Variants in ZNF654 observed in about 807,000 individuals in gnomAD.
ZNF654 encodes zinc finger protein 654.
Under a neutral mutation model 95.3 loss-of-function variants are expected in ZNF654, and 19 were observed. The ratio of observed to expected loss-of-function variants is 0.20; its 90% CI spans 0.14 to 0.29. The LOEUF is 0.29. Among genes scored for constraint, ZNF654 ranks in the 10% least tolerant of loss-of-function variants. The pLI is 1.00. For missense variants in ZNF654, 1,046 were observed against 1,341.0 expected (o/e 0.78, Z 3.44); for synonymous variants, 413 against 457.9 (o/e 0.90, Z 1.25).
chr3:88,108,884 T>C (rs2107748034), intron 2 of ZNF654, among the ~76,000 whole-genome samples: 1 of 152,220 alleles, frequency 6.6e-6, no homozygotes, highest in Middle Eastern at 3.4e-3. Flanking sequence ...AGAACAAATT[T>C]CCTATCTCTG....
intron 2 of ZNF654, among the ~76,000 whole-genome samples, chr3:88,087,546 G>A (rs1255155501): frequency 6.6e-6 from 1 of 152,162 alleles, no homozygotes; most frequent in Non-Finnish European, 1.5e-5. Context: ...GTGAATGAAC[G>A]ATTTCTACAG....
intron 1 of ZNF654, among the ~76,000 whole-genome samples, chr3:88,082,690 A>G (rs1708142583): frequency 6.6e-6 from 1 of 152,188 alleles, no homozygotes; most frequent in African/African-American, 2.4e-5. Flanking sequence ...GTGACAAACT[A>G]ATGTTTGGTA....
intron 2 of ZNF654, among the ~76,000 whole-genome samples, chr3:88,094,354 G>A (rs974992382): frequency 6.6e-6 from 1 of 151,990 alleles, no homozygotes; most frequent in Non-Finnish European, 1.5e-5. Context: ...TCCTTTTATT[G>A]ATTTTGGAGT....
At chr3:88,096,908 T>A (rs185789092) in intron 2 of ZNF654, among the ~76,000 whole-genome samples, 2 of 152,284 alleles carry the variant, frequency 1.3e-5, no homozygotes, top group African/African-American at 4.8e-5. Context: ...AAACCTCATA[T>A]TATCATTTTA....
chr3:88,125,573 T>A (rs892810726), intron 3 of ZNF654, among the ~76,000 whole-genome samples: 11 of 152,216 alleles, frequency 7.2e-5, no homozygotes, highest in Admixed American at 3.3e-4. Context: ...GTCATTTTTT[T>A]AATCCCAGAA....
intron 1 of ZNF654, among the ~76,000 whole-genome samples, chr3:88,074,917 C>T (rs1426585468): frequency 6.6e-6 from 1 of 152,116 alleles, no homozygotes; most frequent in Non-Finnish European, 1.5e-5. Flanking sequence ...ATAACTTGTG[C>T]TTATATTTTA....
At chr3:88,122,576 A>C (rs1705833804) in intron 3 of ZNF654, among the ~76,000 whole-genome samples, 1 of 152,186 alleles carries the variant, frequency 6.6e-6, no homozygotes, top group Non-Finnish European at 1.5e-5. Context: ...GCCAAGACAC[A>C]AAGTTGAATG....
intron 2 of ZNF654, among the ~76,000 whole-genome samples, chr3:88,087,736 T>C (rs983737837): frequency 6.6e-6 from 1 of 152,192 alleles, no homozygotes; most frequent in Admixed American, 6.5e-5. Flanking sequence ...AGGATAAGTA[T>C]TATTATGTGA....
At chr3:88,077,666 A>G (rs1707886280) in intron 1 of ZNF654, among the ~76,000 whole-genome samples, 1 of 139,562 alleles carries the variant, frequency 7.2e-6, no homozygotes, top group Non-Finnish European at 1.6e-5. Context: ...ACACATAGGA[A>G]AGATAAATGA....
chr3:88,081,872 A>T (rs1187432483), intron 1 of ZNF654, among the ~76,000 whole-genome samples: 1 of 152,150 alleles, frequency 6.6e-6, no homozygotes, highest in Non-Finnish European at 1.5e-5. Context: ...TGCTTCTAGG[A>T]TCTCTCAATG....
chr3:88,069,121 C>G (rs1194215560), intron 1 of ZNF654, among the ~76,000 whole-genome samples: 1 of 130,536 alleles, frequency 7.7e-6, no homozygotes, highest in Non-Finnish European at 1.7e-5. Flanking sequence ...CAGAAGTTCC[C>G]CATCAGAAGT....
chr3:88,140,399 G>C lies in ZNF654; in HGVS notation c.2730G>C (p.Leu910=). ...GTAATGAGAAACAAACTATTAGTCT[G>C]CCAGTTTCTACTAGCAAATCAAGGA... is the stretch of plus-strand genomic sequence containing the variant. ...SSSNEKQTIS[L]PVSTSKSRKE... is the part of the protein sequence containing the mutation. Residue 910 remains leucine (L), a synonymous_variant, in exon 8 of 9, where the codon CTG becomes CTC. Coordinates refer to ENST00000636215, the MANE Select transcript of ZNF654 (RefSeq NM_001350134.2). 6.2e-7 allele frequency: 1 copy of C among 1,613,076 alleles called. No homozygotes were observed.
rs1707093367 is a variant in ZNF654, at chr3:88,140,999, T to G, written c.3330T>G (p.Leu1110=). Residue 1110 remains leucine (L), a synonymous_variant, in exon 8 of 9, where the codon CTT becomes CTG. Coordinates refer to ENST00000636215, the MANE Select transcript of ZNF654 (RefSeq NM_001350134.2). ...ATGCAGAAGCACTTGAGGCTCATCT[T>G]GCACAAAAGAAATGTCAGACACTCT... ...YCNAEALEAH[L]AQKKCQTLFG... is the part of the protein sequence containing the mutation. 6.2e-7 allele frequency: 1 copy of G among 1,611,774 alleles called. No homozygotes were observed. The highest frequency in any genetic ancestry group is 1.1e-5 in the South Asian group (1 of 90,784).
At chr3:88,083,941 TTATATATATATA>T (rs78670676) in intron 1 of ZNF654, among the ~76,000 whole-genome samples, 1 of 147,698 alleles carries the variant, frequency 6.8e-6, no homozygotes, top group Non-Finnish European at 1.5e-5. Context: ...TGTACTTATT[TTATATATATATA>T]TATATATATA....
Position 88,140,587 on chromosome 3 carries a change from G to A in ZNF654, c.2918G>A (p.Ser973Asn). ...CCAAATTCTGAAAATAATTGTAGTA[G>A]TAGTGATATAGTCAATGGACACAGT... is the stretch of plus-strand genomic sequence containing the variant. Reference protein sequence around the residue: ...IEPNSENNCSSSDIVNGHSEI... With the variant: ...IEPNSENNCSNSDIVNGHSEI... Residue 973 changes from serine to asparagine, a missense_variant, in exon 8 of 9, where the codon AGT becomes AAT. Physicochemically the swap from Ser to Asn is conservative, Grantham distance 46. This residue lies in a region of ZNF654 where 495 missense variants were observed against 537.0 expected (regional missense o/e 0.92). Coordinates refer to ENST00000636215, the MANE Select transcript of ZNF654 (RefSeq NM_001350134.2). 6.2e-7 allele frequency: 1 copy of A among 1,613,702 alleles called. No individual in the cohort carries two copies. Among genetic ancestry groups the A allele is most frequent in the Non-Finnish European group, 8.5e-7 (1 of 1,179,722 alleles).
Position 88,138,968 on chromosome 3 carries a change from T to G in ZNF654, c.1299T>G (p.Val433=). The G allele has an allele frequency of 1.6e-6, 2 of 1,246,150 alleles. No homozygotes were observed. Among genetic ancestry groups the G allele is most frequent in the Non-Finnish European group, 2.0e-6 (2 of 997,444 alleles). 77.2% of individuals were successfully genotyped at this position (1,246,150 alleles called of 1,614,324 possible). ...NEGTSSVQNR[V]RFELLPILKK... ...GCACAAGTAGTGTTCAAAATCGTGTTCGTTTTGAATTGCTTCCAATTTTGA... is the reference window on the plus strand; with the variant it reads ...GCACAAGTAGTGTTCAAAATCGTGTGCGTTTTGAATTGCTTCCAATTTTGA... The change falls in exon 8 of 9, where the codon GTT becomes GTG. Residue 433 remains valine, a synonymous_variant. Coordinates refer to ENST00000636215, the MANE Select transcript of ZNF654 (RefSeq NM_001350134.2).
Position 88,070,492 on chromosome 3 carries a change from A to G in ZNF654, c.186+10987A>G, listed in dbSNP as rs773419111. On this transcript the variant is annotated intron_variant, in intron 1 of 8. Transcript: ENST00000636215. ...ACTTGCCAAACAAATACAACCCAAC[A>G]ATAATTCAGACATACCAAAAAAAGT... Among the ~76,000 whole-genome samples the G allele has an allele frequency of 5.3e-5, 8 of 151,880 alleles. No homozygotes were observed. In the Middle Eastern group the frequency reaches 0.017, roughly 330 times the overall value.
At chr3:88,086,790 T>C (rs1708356798) in intron 2 of ZNF654, among the ~76,000 whole-genome samples, 1 of 152,134 alleles carries the variant, frequency 6.6e-6, no homozygotes, top group South Asian at 2.1e-4. Context: ...TTTTGTTGTT[T>C]TGTTCTTTTT....
At chr3:88,070,563 GTTTTTTTTTTTTTT>G (rs67079285) in intron 1 of ZNF654, among the ~76,000 whole-genome samples, 2 of 111,326 alleles carry the variant, frequency 1.8e-5, no homozygotes, top group Non-Finnish European at 3.5e-5. Context: ...AACACTGCCT[GTTTTTTTTTTTTTT>G]TTTTTTTTTT....
Sources: gnomAD v4.1 joint callset for allele counts (sites outside exome capture counted in the v4.1 genomes callset) on GRCh38, gnomAD v4.1.1 for gene constraint, gnomAD v4.1.1 regional missense constraint, MANE v1.5 for transcripts, NCBI Gene and HGNC (gene_info 2026-07-23, HGNC 2026-07-21) for gene names.